DMD: variants seen among roughly 807,000 people sequenced by gnomAD.
The protein encoded by DMD is dystrophin.
In DMD, 63 loss-of-function variants were observed where a neutral mutation model predicts 330.1. That is an observed-to-expected ratio of 0.19 (90% confidence interval 0.16 to 0.24). DMD has a LOEUF of 0.24. Ranked by LOEUF, DMD falls within the 10% of genes least tolerant of loss-of-function variation. The probability of loss-of-function intolerance (pLI) is 1.00; values close to 1 mark genes in which losing one functional copy is unlikely to be tolerated. For synonymous variants in DMD, 1,223 were observed against 959.8 expected, an observed-to-expected ratio of 1.27 and a Z score of -5.07; for missense variants, 3,344 against 2,684.1, an observed-to-expected ratio of 1.25 and a Z score of -5.43.
chrX:33,089,580 T>A (rs1421729395), intron 1 of DMD, among the ~76,000 whole-genome samples: 1 of 110,510 alleles, frequency 9.0e-6, no homozygotes, highest in Non-Finnish European at 1.9e-5. Context: ...ACAATGTGAC[T>A]CTCGGAAAAA....
intron 64 of DMD, among the ~76,000 whole-genome samples, chrX:31,210,231 C>T (rs1194476126): frequency 9.0e-6 from 1 of 111,545 alleles, no homozygotes; most frequent in African/African-American, 3.3e-5. Context: ...CTCTGCTACC[C>T]TAATATTAGG....
At chrX:33,050,007 C>A (rs965713693) in intron 1 of DMD, among the ~76,000 whole-genome samples, 1 of 111,526 alleles carries the variant, frequency 9.0e-6, no homozygotes, top group Non-Finnish European at 1.9e-5. Context: ...AATATTAAAA[C>A]GTGTATTTAA....
chrX:32,816,374 G>T, intron 6 of DMD, 94 bp downstream of exon 6: 4 of 956,195 alleles, frequency 4.2e-6, no homozygotes, highest in Non-Finnish European at 6.0e-6. Flanking sequence ...TTGTAAAGTA[G>T]GACATGATCT....
At chrX:33,273,924 C>G (rs1294346230) in intron 1 of DMD, among the ~76,000 whole-genome samples, 4 of 112,079 alleles carry the variant, frequency 3.6e-5, no homozygotes, top group African/African-American at 9.7e-5. Flanking sequence ...CAGCTCTGTC[C>G]ATCAATAGCA....
At chrX:31,462,343 G>A in intron 59 of DMD, among the ~76,000 whole-genome samples, 1 of 111,206 alleles carries the variant, frequency 9.0e-6, no homozygotes, top group Admixed American at 9.6e-5. Context: ...AGCCAGGCGT[G>A]GCGGTGCATG....
chrX:33,158,840 T>A (rs1300472852), intron 1 of DMD, among the ~76,000 whole-genome samples: 2 of 111,858 alleles, frequency 1.8e-5, no homozygotes, highest in Admixed American at 9.5e-5. Flanking sequence ...ATCACATTCA[T>A]CTACCCAGGA....
chrX:32,920,199 G>T (rs1421035441), intron 2 of DMD, among the ~76,000 whole-genome samples: 2 of 111,205 alleles, frequency 1.8e-5, no homozygotes, highest in Non-Finnish European at 3.8e-5. Context: ...TTTTAACTAA[G>T]AAACACAGTA....
chrX:31,714,082 C>T (rs762937718), intron 52 of DMD, among the ~76,000 whole-genome samples: 15 of 111,532 alleles, frequency 1.3e-4, no homozygotes, highest in African/African-American at 4.2e-4. Context: ...TATTCTGTCT[C>T]TATTAGAAAA....
chrX:31,710,288 T>C (rs1025381537), intron 52 of DMD, among the ~76,000 whole-genome samples: 7 of 111,673 alleles, frequency 6.3e-5, no homozygotes, highest in African/African-American at 2.3e-4. Flanking sequence ...CTGTGACAGA[T>C]AATAGGAGAG....
intron 2 of DMD, among the ~76,000 whole-genome samples, chrX:32,930,284 A>C (rs1401251764): frequency 9.0e-6 from 1 of 110,989 alleles, no homozygotes; most frequent in Non-Finnish European, 1.9e-5. Flanking sequence ...GCACCATCCT[A>C]AAGTCGAAAA....
chrX:31,323,342 A>T (rs1252152125), intron 62 of DMD, among the ~76,000 whole-genome samples: 1 of 112,087 alleles, frequency 8.9e-6, no homozygotes, highest in African/African-American at 3.2e-5. Context: ...CTATTGTGAA[A>T]AATCCGCCCC....
At chrX:31,312,289 G>A (rs951879028) in intron 62 of DMD, among the ~76,000 whole-genome samples, 2 of 112,029 alleles carry the variant, frequency 1.8e-5, no homozygotes, top group Non-Finnish European at 3.8e-5. Flanking sequence ...ATCAAAAAGT[G>A]GGCAAAGGAT....
intron 2 of DMD, among the ~76,000 whole-genome samples, chrX:32,892,832 T>C (rs1312611849): frequency 8.9e-6 from 1 of 112,199 alleles, no homozygotes; most frequent in African/African-American, 3.2e-5. Flanking sequence ...CTGGCCACAA[T>C]GATCGTGTAA....
intron 55 of DMD, among the ~76,000 whole-genome samples, chrX:31,522,687 GAGA>G (rs755115289): frequency 4.5e-5 from 5 of 110,357 alleles, no homozygotes; most frequent in Admixed American, 9.7e-5. Context: ...TTCTGGCTTA[GAGA>G]AGAAGATGGG....
chrX:32,560,950 T>C (rs761372391), intron 16 of DMD, among the ~76,000 whole-genome samples: 50 of 112,002 alleles, frequency 4.5e-4, no homozygotes, highest in African/African-American at 1.6e-3. Context: ...TTTGGGTATA[T>C]ATCCAGTAAC....
chrX:32,692,718 T>G (rs968487075), intron 9 of DMD, among the ~76,000 whole-genome samples: 23 of 112,158 alleles, frequency 2.1e-4, no homozygotes, highest in African/African-American at 7.4e-4. Flanking sequence ...TGCCGAACTC[T>G]ATACAGGTTG....
intron 7 of DMD, among the ~76,000 whole-genome samples, chrX:32,725,281 C>A (rs2066742994): frequency 2.7e-5 from 3 of 110,749 alleles, no homozygotes; most frequent in South Asian, 3.7e-4. Context: ...CCTCTCATAT[C>A]ATGGATCATA....
chrX:32,447,355 C>T (rs752086615), intron 27 of DMD, among the ~76,000 whole-genome samples: 3 of 110,184 alleles, frequency 2.7e-5, no homozygotes, highest in South Asian at 3.8e-4. Context: ...ATATAGAAGG[C>T]ACTTTTCAAG....
chrX:32,279,268 TA>T (rs2097403461), intron 43 of DMD, among the ~76,000 whole-genome samples: 1 of 111,319 alleles, frequency 9.0e-6, no homozygotes, highest in Non-Finnish European at 1.9e-5. Context: ...CCTCAGAAAC[TA>T]AAAACAGGGC....
Sources: gnomAD v4.1 joint callset for allele counts (sites outside exome capture counted in the v4.1 genomes callset) on GRCh38, gnomAD v4.1.1 for gene constraint, MANE v1.5 for transcripts, NCBI Gene and HGNC (gene_info 2026-07-23, HGNC 2026-07-21) for gene names.